Variants in NCK2 observed in about 807,000 individuals in gnomAD.
NCK2 encodes the protein cytoplasmic protein NCK2.
In NCK2, 16 loss-of-function variants were observed where a neutral mutation model predicts 33.9. The ratio of observed to expected loss-of-function variants is 0.47; its 90% CI spans 0.32 to 0.72. The LOEUF (loss-of-function observed/expected upper bound fraction) is 0.72, where lower values mean the gene tolerates loss of function less well. NCK2 is among the 30% of genes least tolerant of loss of function. NCK2 has a pLI of 0.03. For synonymous variants in NCK2, 273 were observed against 239.9 expected, an observed-to-expected ratio of 1.14 and a Z score of -1.27; for missense variants, 418 against 537.3, an observed-to-expected ratio of 0.78 and a Z score of 2.19.
At chr2:105,811,545 C>T (rs1358794053) in intron 1 of NCK2, among the ~76,000 whole-genome samples, 3 of 152,320 alleles carry the variant, frequency 2.0e-5, no homozygotes, top group African/African-American at 7.2e-5. Flanking sequence ...CCTGGAGATT[C>T]AGTCCTTGTC....
In NCK2 at chr2:105,893,984, TAC is replaced by T. The variant is rs1023770210; in HGVS notation, c.*819_*820del. 9 of 132,340 alleles carry T rather than the reference TAC, an allele frequency of 6.8e-5. No individual in the cohort carries two copies. Among genetic ancestry groups the T allele is most frequent in the South Asian group, 5.2e-4 (2 of 3,832 alleles). 8.2% of individuals were successfully genotyped at this position (132,340 alleles called of 1,614,324 possible). On this transcript the variant is annotated 3_prime_UTR_variant, in exon 5 of 5. Transcript: ENST00000233154. Reference sequence around the variant, plus strand: ...GGGGAAGGGAGCTACCAACACTTTATACACACACACACGTGCACACACACACA... The same window carrying T: ...GGGGAAGGGAGCTACCAACACTTTATACACACACACGTGCACACACACACA...
chr2:105,854,174 T>C (rs1391117436), intron 2 of NCK2: 5 of 152,258 alleles, frequency 3.3e-5, no homozygotes, highest in Non-Finnish European at 7.3e-5. Context: ...TGTCTTTTCA[T>C]GGCTTGATAG....
chr2:105,774,871 TA>T (rs776043132), intron 1 of NCK2, among the ~76,000 whole-genome samples: 5 of 150,992 alleles, frequency 3.3e-5, no homozygotes, highest in Non-Finnish European at 7.4e-5. Context: ...ATGAGCCGTG[TA>T]GATGTACAGC....
chr2:105,842,844 A>AGGG (rs536747909), intron 2 of NCK2, among the ~76,000 whole-genome samples: 2 of 115,782 alleles, frequency 1.7e-5, no homozygotes, highest in East Asian at 5.4e-4. Context: ...ATGAGTTTTC[A>AGGG]GGGGGGTGGA....
intron 1 of NCK2, among the ~76,000 whole-genome samples, chr2:105,754,395 G>A (rs527470034): frequency 1.3e-5 from 2 of 152,284 alleles, no homozygotes; most frequent in East Asian, 3.9e-4. Context: ...GTCCATCAAT[G>A]TCTCCTTCGA....
intron 1 of NCK2, among the ~76,000 whole-genome samples, chr2:105,755,166 T>A (rs143399813): frequency 1.3e-5 from 2 of 152,306 alleles, no homozygotes; most frequent in East Asian, 3.9e-4. Flanking sequence ...AATTAAGCCA[T>A]CTGTCTTGCT....
chr2:105,799,910 CAGTG>C (rs1674759312), intron 1 of NCK2, among the ~76,000 whole-genome samples: 1 of 151,940 alleles, frequency 6.6e-6, no homozygotes. Context: ...TTTTTTTTAA[CAGTG>C]AGAGAAACAC....
intron 2 of NCK2, among the ~76,000 whole-genome samples, chr2:105,845,397 ATTTT>A (rs3047674): frequency 1.4e-5 from 2 of 146,074 alleles, no homozygotes; most frequent in African/African-American, 2.5e-5. Context: ...TATATTTTGA[ATTTT>A]TTTTTTTTTT....
Position 105,792,049 on chromosome 2 carries a change from G to A in NCK2, c.-200-24381G>A, listed in dbSNP as rs13386530. 7.0e-3 allele frequency among the ~76,000 whole-genome samples: 1,072 copies of A among 152,306 alleles called. 15 individuals are homozygous for A. The highest frequency in any genetic ancestry group is 0.023 in the African/African-American group (976 of 41,568). On this transcript the variant is annotated intron_variant, in intron 1 of 4. Coordinates refer to ENST00000233154, the MANE Select transcript of NCK2 (RefSeq NM_003581.5). ...TGTGTTGTGGGCTCTGCACAGAGCC[G>A]TGGGAACGCTTCCCCAGTCCTGCCT...
At chr2:105,746,417 G>C (rs1219690458) in intron 1 of NCK2, among the ~76,000 whole-genome samples, 1 of 152,232 alleles carries the variant, frequency 6.6e-6, no homozygotes, top group Non-Finnish European at 1.5e-5. Context: ...AAGTGATTCA[G>C]GGTGTTTTTC....
At chr2:105,810,598 A>G (rs528506282) in intron 1 of NCK2, among the ~76,000 whole-genome samples, 1 of 152,342 alleles carries the variant, frequency 6.6e-6, no homozygotes, top group Admixed American at 6.5e-5. Context: ...AAAAGGCAAT[A>G]TGTAATTAAA....
At chr2:105,762,863 CTG>C (rs1558825291) in intron 1 of NCK2, among the ~76,000 whole-genome samples, 1 of 152,210 alleles carries the variant, frequency 6.6e-6, no homozygotes, top group African/African-American at 2.4e-5. Context: ...ATATTAATAA[CTG>C]TGTTCCACAT....
intron 2 of NCK2, among the ~76,000 whole-genome samples, chr2:105,829,753 C>T (rs372185882): frequency 6.6e-6 from 1 of 152,002 alleles, no homozygotes; most frequent in East Asian, 1.9e-4. Flanking sequence ...CCCTCTCCCC[C>T]TTTCCCTATG....
At chr2:105,860,941 C>T (rs951236702) in intron 3 of NCK2, among the ~76,000 whole-genome samples, 1 of 151,400 alleles carries the variant, frequency 6.6e-6, no homozygotes, top group East Asian at 1.9e-4. Context: ...GCCCCAAGGG[C>T]ACTATTGCTA....
intron 2 of NCK2, among the ~76,000 whole-genome samples, chr2:105,844,588 A>C (rs1489810194): frequency 6.7e-6 from 1 of 149,826 alleles, no homozygotes; most frequent in Non-Finnish European, 1.5e-5. Flanking sequence ...AAAAAAAAAA[A>C]ACAGCTGGGC....
At chr2:105,750,464 C>T (rs1481790415) in intron 1 of NCK2, among the ~76,000 whole-genome samples, 1 of 152,178 alleles carries the variant, frequency 6.6e-6, no homozygotes, top group Non-Finnish European at 1.5e-5. Flanking sequence ...GTCTAGGTTC[C>T]ACAACAGGGC....
At chr2:105,765,801 GTGTGTGTGTGTGTGTC>G (rs1280180241) in intron 1 of NCK2, among the ~76,000 whole-genome samples, 1 of 151,374 alleles carries the variant, frequency 6.6e-6, no homozygotes, top group African/African-American at 2.4e-5. Context: ...GTGTGTGTGT[GTGTGTGTGTGTGTGTC>G]TGTGTGTGTG....
In NCK2 at chr2:105,751,305, A is replaced by T. The variant is rs1015040174; in HGVS notation, c.-201+6167A>T. On this transcript the variant is annotated intron_variant, in intron 1 of 4. Transcript: ENST00000233154. Reference sequence around the variant, plus strand: ...ATTGATTCTACCTCCAAAAGATCTAACATCTCAGCCCTGCTGTCCTTTTTC... The same window carrying T: ...ATTGATTCTACCTCCAAAAGATCTATCATCTCAGCCCTGCTGTCCTTTTTC... Among the ~76,000 whole-genome samples, 6 of 152,276 alleles carry T rather than the reference A, an allele frequency of 3.9e-5. No homozygotes were observed. In the East Asian group the frequency reaches 7.7e-4, roughly 20 times the overall value.
intron 1 of NCK2, among the ~76,000 whole-genome samples, chr2:105,754,678 C>CTT (rs74265815): frequency 2.2e-5 from 3 of 133,940 alleles, no homozygotes; most frequent in Non-Finnish European, 3.2e-5. Flanking sequence ...CCCCCAACAA[C>CTT]TTTTTTTTTT....
Sources: allele counts gnomAD v4.1 joint callset (sites outside exome capture counted in the v4.1 genomes callset), GRCh38; gene constraint gnomAD v4.1.1; transcripts MANE v1.5; gene names NCBI Gene and HGNC (gene_info 2026-07-23, HGNC 2026-07-21).